The following ADAMTS19 variants were observed in gnomAD, a reference collection of about 807,000 sequenced individuals.
The protein encoded by ADAMTS19 is ADAM metallopeptidase with thrombospondin type 1 motif 19.
A neutral mutation model predicts 153.3 loss-of-function variants in ADAMTS19; 93 were observed. The observed-to-expected ratio is 0.61, with a 90% confidence interval of 0.51 to 0.72. ADAMTS19 has a LOEUF of 0.72. Among genes scored for constraint, ADAMTS19 ranks in the 30% least tolerant of loss-of-function variants. The pLI is 0.00. For synonymous variants in ADAMTS19, 600 were observed against 556.6 expected, an observed-to-expected ratio of 1.08 and a Z score of -1.10; for missense variants, 1,482 against 1,552.1, an observed-to-expected ratio of 0.95 and a Z score of 0.76.
At position 129,550,775 on chromosome 5, in the gene ADAMTS19, G is replaced by C. The variant is rs139288102; in HGVS notation, c.1329-1089G>C. 5.2e-3 allele frequency among the ~76,000 whole-genome samples: 781 copies of C among 151,276 alleles called. 8 individuals are homozygous for C. Among genetic ancestry groups the C allele is most frequent in the African/African-American group, 0.017 (694 of 41,390 alleles). On this transcript the variant is annotated intron_variant, in intron 6 of 22. Coordinates refer to ENST00000274487, the MANE Select transcript of ADAMTS19 (RefSeq NM_133638.6). Reference sequence around the variant, plus strand: ...TAACAGAGAGGAAATTTTTTTAAAAGGATAATTTTACATTTCTCATTTATG... The same window carrying C: ...TAACAGAGAGGAAATTTTTTTAAAACGATAATTTTACATTTCTCATTTATG...
chr5:129,478,245 C>A (rs909466144), intron 2 of ADAMTS19, among the ~76,000 whole-genome samples: 4 of 151,976 alleles, frequency 2.6e-5, no homozygotes, highest in African/African-American at 9.7e-5. Context: ...GTAAGGGAAA[C>A]CAATTGTGAT....
chr5:129,612,493 A>G (rs1751281085), intron 8 of ADAMTS19, among the ~76,000 whole-genome samples: 2 of 152,130 alleles, frequency 1.3e-5, no homozygotes, highest in Admixed American at 1.3e-4. Flanking sequence ...AAATGCTGAG[A>G]GATTTTGTCA....
rs556493922 is a variant in ADAMTS19 at position 129,668,439 on chromosome 5, T to C, written c.2506+2860T>C. ...AGGAAGTCCAAGATCAAGGCACTAA[T>C]AGATTTGGTGCCCTTTAAGGGCTCA... On this transcript the variant is annotated intron_variant, in intron 16 of 22. Coordinates refer to ENST00000274487, the MANE Select transcript of ADAMTS19 (RefSeq NM_133638.6). 1.1e-3 allele frequency among the ~76,000 whole-genome samples: 166 copies of C among 152,320 alleles called. 1 individual carries two copies. The highest frequency in any genetic ancestry group is 3.8e-3 in the African/African-American group (158 of 41,568).
At chr5:129,481,052 C>T (rs1215072559) in intron 2 of ADAMTS19, among the ~76,000 whole-genome samples, 3 of 152,074 alleles carry the variant, frequency 2.0e-5, no homozygotes, top group Admixed American at 6.6e-5. Context: ...CGAAAAGCAA[C>T]GTGCAGCCTT....
At position 129,720,657 on chromosome 5, in the gene ADAMTS19, C is replaced by A. The variant is rs757129631; in HGVS notation, c.3313-14275C>A. On this transcript the variant is annotated intron_variant, in intron 21 of 22. Transcript: ENST00000274487. ...GTGTAAGACTTCAAAAATTAGCATG[C>A]GGGACAGTCCAGTGGATGCCAGAGC... 3.9e-5 allele frequency among the ~76,000 whole-genome samples: 6 copies of A among 152,070 alleles called. No individual in the cohort carries two copies. In the East Asian group the frequency reaches 1.2e-3, roughly 29 times the overall value.
In ADAMTS19 at chr5:129,736,486, A is replaced by G. The variant is rs549732854; in HGVS notation, c.3491-581A>G. On this transcript the variant is annotated intron_variant, in intron 22 of 22. Coordinates refer to ENST00000274487, the MANE Select transcript of ADAMTS19 (RefSeq NM_133638.6). ...CTACATGACCAAATATTCTATACCA[A>G]CTTCTCATTTCAAACACTTCAACTA... 2.0e-5 allele frequency among the ~76,000 whole-genome samples: 3 copies of G among 152,052 alleles called. No homozygotes were observed. In the South Asian group the frequency reaches 6.2e-4, roughly 31 times the overall value.
At position 129,647,769 on chromosome 5, in the gene ADAMTS19, G is replaced by A. The variant is rs1339803560; in HGVS notation, c.1877G>A (p.Cys626Tyr). The A allele has an allele frequency of 6.2e-7, 1 of 1,613,692 alleles. No homozygotes were observed. Among genetic ancestry groups the A allele is most frequent in the Non-Finnish European group, 8.5e-7 (1 of 1,179,796 alleles). Residue 626 changes from cysteine to tyrosine, a missense_variant, in exon 12 of 23, where the codon TGT becomes TAT. By Grantham distance (194) the Cys-to-Tyr change is radical. Around this residue, in one of 2 missense-constraint regions of ADAMTS19, gnomAD observed 616 missense variants for 724.4 expected, o/e 0.85. Coordinates refer to ENST00000274487, the MANE Select transcript of ADAMTS19 (RefSeq NM_133638.6). Reference sequence around the variant, plus strand: ...AAGACATAACTTTTGGAATAGTGGTGTAAGGCTGGAGAATGTACCAGCAGG... The same window carrying A: ...AAGACATAACTTTTGGAATAGTGGTATAAGGCTGGAGAATGTACCAGCAGG... Reference protein sequence around the residue: ...DGTDCDLGKWCKAGECTSRTS... With the variant: ...DGTDCDLGKWYKAGECTSRTS...
chr5:129,460,693 T>G (rs1400462342), intron 1 of ADAMTS19: 3 of 611,022 alleles, frequency 4.9e-6, no homozygotes, highest in African/African-American at 3.7e-5. Context: ...TGGAATAGTT[T>G]CCTTCTAATT....
At chr5:129,681,572 A>G (rs1054934315) in intron 17 of ADAMTS19, among the ~76,000 whole-genome samples, 6 of 152,178 alleles carry the variant, frequency 3.9e-5, no homozygotes, top group African/African-American at 1.4e-4. Context: ...TAAATATGAG[A>G]AAAGTTAATC....
At chr5:129,699,670 T>C (rs1287094113) in intron 19 of ADAMTS19, among the ~76,000 whole-genome samples, 1 of 152,022 alleles carries the variant, frequency 6.6e-6, no homozygotes, top group Non-Finnish European at 1.5e-5. Flanking sequence ...ATTGGTTGAA[T>C]GGAGAAGCCC....
intron 21 of ADAMTS19, among the ~76,000 whole-genome samples, chr5:129,726,137 C>T (rs1406346960): frequency 2.0e-5 from 3 of 152,052 alleles, no homozygotes; most frequent in Non-Finnish European, 4.4e-5. Context: ...TGATTGCTTT[C>T]GTTTTACTCT....
At chr5:129,507,529 T>G (rs765704711) in intron 2 of ADAMTS19, among the ~76,000 whole-genome samples, 1 of 152,062 alleles carries the variant, frequency 6.6e-6, no homozygotes, top group African/African-American at 2.4e-5. Context: ...AAGAACTTAC[T>G]TGAAGTTATT....
rs77805987 is a variant in ADAMTS19, at chr5:129,593,604, C to T, written c.1373-2955C>T. On this transcript the variant is annotated intron_variant, in intron 7 of 22. Transcript: ENST00000274487. ...TCTAACCTTACTCTTTTACTCATTC[C>T]CCATAGATCCCTGTAAGTGTTATGC... is the stretch of plus-strand genomic sequence containing the variant. 5.8e-3 allele frequency among the ~76,000 whole-genome samples: 885 copies of T among 152,210 alleles called. 13 individuals carry two copies. The highest frequency in any genetic ancestry group is 0.02 in the African/African-American group (842 of 41,542).
intron 10 of ADAMTS19, among the ~76,000 whole-genome samples, chr5:129,627,315 T>C (rs30705): frequency 0.38 from 57,474 of 151,646 alleles, 11,395 homozygotes; most frequent in African/African-American, 0.49. Flanking sequence ...ATCTTGGAGG[T>C]AATATGAGGA....
intron 20 of ADAMTS19, among the ~76,000 whole-genome samples, chr5:129,702,074 G>T (rs1163499020): frequency 2.0e-5 from 3 of 152,198 alleles, no homozygotes. Flanking sequence ...ATAGCTCAGA[G>T]AAAGTAAATA....
At chr5:129,663,690 AC>A (rs1753917642) in intron 15 of ADAMTS19, among the ~76,000 whole-genome samples, 1 of 152,134 alleles carries the variant, frequency 6.6e-6, no homozygotes. Context: ...GTTACCCACA[AC>A]TATATCCCTG....
chr5:129,664,543 A>G (rs1753951592), intron 15 of ADAMTS19, among the ~76,000 whole-genome samples: 3 of 151,964 alleles, frequency 2.0e-5, no homozygotes. Flanking sequence ...CACTACCACC[A>G]GGGGGGGTAT....
intron 15 of ADAMTS19, 100 bp from the exon 16 acceptor site, chr5:129,665,399 G>A (rs1261491315): frequency 6.3e-6 from 6 of 953,568 alleles, no homozygotes; most frequent in Non-Finnish European, 9.1e-6. Flanking sequence ...AAATATCATA[G>A]CAATAACCAA....
At chr5:129,588,194 A>G (rs1212468680) in intron 7 of ADAMTS19, among the ~76,000 whole-genome samples, 2 of 152,128 alleles carry the variant, frequency 1.3e-5, no homozygotes, top group East Asian at 3.9e-4. Context: ...TGATCCATAC[A>G]TTATTTAAAA....
Sources: gnomAD v4.1 joint callset for allele counts (sites outside exome capture counted in the v4.1 genomes callset) on GRCh38, gnomAD v4.1.1 for gene constraint, gnomAD v4.1.1 regional missense constraint, MANE v1.5 for transcripts, NCBI Gene and HGNC (gene_info 2026-07-23, HGNC 2026-07-21) for gene names.